The following AK9 variants were observed in gnomAD, a reference collection of about 807,000 sequenced individuals.
The protein encoded by AK9 is adenylate kinase 9.
Under a neutral mutation model 239.6 loss-of-function variants are expected in AK9, and 191 were observed. The ratio of observed to expected loss-of-function variants is 0.80; its 90% CI spans 0.71 to 0.90. The LOEUF is 0.90. Ranked by LOEUF, AK9 falls within the 40% of genes least tolerant of loss-of-function variation. AK9 has a pLI of 0.00. For synonymous variants in AK9, 689 were observed against 721.0 expected (o/e 0.96, Z 0.71); for missense variants, 1,995 against 2,214.7 (o/e 0.90, Z 1.99).
rs375974902 is a variant in AK9 at position 109,673,983 on chromosome 6, T to A, written c.181+215A>T. On this transcript the variant is annotated intron_variant, in intron 3 of 40. Coordinates refer to ENST00000424296, the MANE Select transcript of AK9 (RefSeq NM_001145128.3). ...ACCATGTCTCTACAAAAAAAAAAAA[T>A]AATAATTAATTAAATTAAATATAAA... Among the ~76,000 whole-genome samples, 852 of 150,100 alleles carry A rather than the reference T, an allele frequency of 5.7e-3. 3 individuals carry two copies. Among genetic ancestry groups the A allele is most frequent in the Admixed American group, 9.6e-3 (144 of 15,046 alleles).
At chr6:109,595,582 C>G (rs1790910823) in intron 17 of AK9, among the ~76,000 whole-genome samples, 2 of 152,018 alleles carry the variant, frequency 1.3e-5, no homozygotes, top group Admixed American at 6.6e-5. Context: ...TTCACAATAC[C>G]CAAGACTTGG....
intron 40 of AK9, 78 bp from the exon 41 acceptor site, chr6:109,493,649 G>A (rs1375322505): frequency 2.4e-6 from 3 of 1,225,738 alleles, no homozygotes; most frequent in African/African-American, 3.0e-5. Context: ...TGGATGTGTG[G>A]TTGAGTTAGT....
chr6:109,509,844 C>T (rs530871091), intron 32 of AK9, among the ~76,000 whole-genome samples: 50 of 152,174 alleles, frequency 3.3e-4, no homozygotes, highest in African/African-American at 1.2e-3. Context: ...CTGGGTGCAG[C>T]TTGGGGGGTT....
chr6:109,633,059 T>C lies in AK9; in HGVS notation c.1118A>G (p.Lys373Arg). The C allele has an allele frequency of 6.4e-7, 1 of 1,558,684 alleles. No homozygotes were observed. Among genetic ancestry groups the C allele is most frequent in the Admixed American group, 2.1e-5 (1 of 46,512 alleles). The part of the protein sequence containing the change: ...IYCLSSEEAL[K>R]PFLLNPRPYL... Reference sequence around the variant, plus strand: ...GGGACGTGGGTTCAACAAAAATGGTTTTAATGCTTCTTCTGATGAAAGACA... The same window carrying C: ...GGGACGTGGGTTCAACAAAAATGGTCTTAATGCTTCTTCTGATGAAAGACA... Residue 373 changes from lysine (K) to arginine (R), a missense_variant, in exon 12 of 41, where the codon AAA becomes AGA. Coordinates refer to ENST00000424296, the MANE Select transcript of AK9 (RefSeq NM_001145128.3).
chr6:109,515,928 G>A lies in AK9; in HGVS notation c.3994C>T (p.Pro1332Ser). 6.4e-7 allele frequency: 1 copy of A among 1,551,746 alleles called. No homozygotes were observed. Among genetic ancestry groups the A allele is most frequent in the Non-Finnish European group, 8.7e-7 (1 of 1,146,898 alleles). The part of the protein sequence containing the change: ...IFEKCHPIPA[P>S]LAQKMLTFTY... ...AAGGTGAGCATTTTCTGGGCAAGGGGTGCTGGTATTGGATGACATTTCTCA... is the reference window on the plus strand; with the variant it reads ...AAGGTGAGCATTTTCTGGGCAAGGGATGCTGGTATTGGATGACATTTCTCA... The change falls in exon 31 of 41, where the codon CCC (proline) becomes TCC (serine). Residue 1332 changes from proline (P) to serine (S), a missense_variant. Coordinates refer to ENST00000424296, the MANE Select transcript of AK9 (RefSeq NM_001145128.3).
At chr6:109,521,959 C>A (rs1779915241) in intron 29 of AK9, among the ~76,000 whole-genome samples, 1 of 151,918 alleles carries the variant, frequency 6.6e-6, no homozygotes, top group Non-Finnish European at 1.5e-5. Context: ...CTACTCTTTT[C>A]AGGAAGAATA....
intron 32 of AK9, among the ~76,000 whole-genome samples, chr6:109,511,727 G>A (rs985593234): frequency 2.0e-5 from 3 of 152,166 alleles, no homozygotes; most frequent in South Asian, 4.1e-4. Flanking sequence ...GTTCCTATGA[G>A]AGCCACAGAG....
chr6:109,523,157 A>G (rs1321207), intron 29 of AK9, among the ~76,000 whole-genome samples: 7,764 of 152,190 alleles, frequency 0.051, 537 homozygotes, highest in African/African-American at 0.16. Flanking sequence ...TCTTTTTCTT[A>G]CTTTGCTTTG....
intron 17 of AK9, among the ~76,000 whole-genome samples, chr6:109,598,733 CTGT>C: frequency 6.6e-6 from 1 of 152,304 alleles, no homozygotes; most frequent in South Asian, 2.1e-4. Context: ...TCTCCAGCAC[CTGT>C]TGTTTCCTGA....
chr6:109,559,931 T>G (rs1562408178), intron 24 of AK9, among the ~76,000 whole-genome samples: 1 of 152,154 alleles, frequency 6.6e-6, no homozygotes, highest in Non-Finnish European at 1.5e-5. Context: ...TTCCTGCTTC[T>G]CCACTTCTAG....
At chr6:109,650,739 C>T (rs557937494) in intron 8 of AK9, among the ~76,000 whole-genome samples, 62 of 152,206 alleles carry the variant, frequency 4.1e-4, no homozygotes, top group African/African-American at 1.4e-3. Flanking sequence ...GGGTATATAC[C>T]GAAAGGATTA....
chr6:109,634,160 G>A (rs1043084040), intron 10 of AK9, among the ~76,000 whole-genome samples: 5 of 152,076 alleles, frequency 3.3e-5, no homozygotes, highest in East Asian at 1.9e-4. Context: ...CGAGTGCTCC[G>A]CCCTCATGAA....
intron 24 of AK9, among the ~76,000 whole-genome samples, chr6:109,553,373 T>C (rs1304868525): frequency 1.3e-5 from 2 of 152,218 alleles, no homozygotes; most frequent in East Asian, 3.8e-4. Context: ...TTCTCTTATT[T>C]CCTTGAGCAG....
At chr6:109,674,341 C>T (rs919513845) in intron 2 of AK9, 80 bp from the exon 3 acceptor site, 18 of 967,754 alleles carry the variant, frequency 1.9e-5, no homozygotes, top group Non-Finnish European at 2.4e-5. Context: ...TTTAAAGATT[C>T]TATTGCTAGT....
Position 109,529,027 on chromosome 6 carries a change from T to A in AK9, c.3617A>T (p.Asp1206Val), listed in dbSNP as rs1780896835. Residue 1206 changes from aspartate to valine, a missense_variant, in exon 29 of 41, where the codon GAT becomes GTT. Physicochemically the swap from Asp to Val is radical, Grantham distance 152 (BLOSUM62 -3). Around this residue, in one of 5 missense-constraint regions of AK9, gnomAD observed 1,290 missense variants for 1,392.7 expected, o/e 0.93. Coordinates refer to ENST00000424296, the MANE Select transcript of AK9 (RefSeq NM_001145128.3). Reference protein sequence around the residue: ...KRRAELILERDKKRRENVVRD... With the variant: ...KRRAELILERVKKRRENVVRD... ...ACTACTTACCTCCCTCCTTTTTTTA[T>A]CTCTCTCTAATATAAGTTCAGCCCT... The A allele has an allele frequency of 6.2e-7, 1 of 1,602,856 alleles. No individual in the cohort carries two copies. Among genetic ancestry groups the A allele is most frequent in the Non-Finnish European group, 8.5e-7 (1 of 1,176,628 alleles).
chr6:109,563,755 A>T (rs1254006122), intron 23 of AK9, 43 bp from the exon 24 acceptor site: 1 of 1,522,094 alleles, frequency 6.6e-7, no homozygotes, highest in Admixed American at 2.0e-5. Context: ...TTTTAGTAAA[A>T]AAGGTTATTA....
rs1057095794 is a variant in AK9 at position 109,656,682 on chromosome 6, C to T, written c.759+74G>A. 13 of 1,436,354 alleles carry T rather than the reference C, an allele frequency of 9.1e-6. No homozygotes were observed. In the African/African-American group the frequency reaches 1.4e-4, roughly 16 times the overall value. 89.0% of individuals were successfully genotyped at this position (1,436,354 alleles called of 1,614,324 possible). ...AGATAATAACACATGGGGATGAAGA[C>T]ATGTGAAAGCTACTTAACCAGTGAT... On this transcript the variant is annotated intron_variant, in intron 8 of 40. Coordinates refer to ENST00000424296, the MANE Select transcript of AK9 (RefSeq NM_001145128.3).
intron 27 of AK9, among the ~76,000 whole-genome samples, chr6:109,541,071 C>T (rs948196578): frequency 4.6e-5 from 7 of 152,178 alleles, no homozygotes; most frequent in African/African-American, 1.7e-4. Flanking sequence ...TAAGTCCTGG[C>T]ATGTCCTCCT....
At chr6:109,649,137 A>C (rs546504112) in intron 8 of AK9, among the ~76,000 whole-genome samples, 1 of 152,212 alleles carries the variant, frequency 6.6e-6, no homozygotes, top group Non-Finnish European at 1.5e-5. Flanking sequence ...CGAATATCAT[A>C]CTGAATGGAC....
Sources: gnomAD v4.1 joint callset for allele counts (sites outside exome capture counted in the v4.1 genomes callset) on GRCh38, gnomAD v4.1.1 for gene constraint, gnomAD v4.1.1 regional missense constraint, MANE v1.5 for transcripts, NCBI Gene and HGNC (gene_info 2026-07-23, HGNC 2026-07-21) for gene names.